Variants in RGS6 observed in about 807,000 individuals in gnomAD.
RGS6 encodes regulator of G protein signaling 6, also known as regulator of G-protein signaling 6.
RGS6 carries 30 observed loss-of-function variants against 78.5 expected under a neutral mutation model. That is an observed-to-expected ratio of 0.38 (90% confidence interval 0.29 to 0.52). The LOEUF (loss-of-function observed/expected upper bound fraction) is 0.52. Ranked by LOEUF, RGS6 falls within the 20% of genes least tolerant of loss-of-function variation. The pLI, the probability that RGS6 is intolerant of heterozygous loss-of-function variation, is 0.85. For missense variants in RGS6, 495 were observed against 609.7 expected, an observed-to-expected ratio of 0.81 and a Z score of 1.98; for synonymous variants, 206 against 206.0, an observed-to-expected ratio of 1.00 and a Z score of 0.00.
chr14:72,288,845 G>T (rs1252365248), intron 2 of RGS6, among the ~76,000 whole-genome samples: 1 of 152,156 alleles, frequency 6.6e-6, no homozygotes, highest in African/African-American at 2.4e-5. Context: ...AACATCTTAT[G>T]TAGATTTTTT....
chr14:72,489,721 A>AAGGAG (rs2096551331), intron 12 of RGS6, among the ~76,000 whole-genome samples: 1 of 151,328 alleles, frequency 6.6e-6, no homozygotes, highest in Non-Finnish European at 1.5e-5. Context: ...AAGGAAAGGA[A>AAGGAG]AGGAGAGGCA....
intron 2 of RGS6, among the ~76,000 whole-genome samples, chr14:72,086,390 C>G (rs528842028): frequency 6.6e-6 from 1 of 152,338 alleles, no homozygotes; most frequent in East Asian, 1.9e-4. Context: ...ATACCTGACT[C>G]TTGACCTCCA....
the RGS6 span, among the ~76,000 whole-genome samples, chr14:72,611,261 C>T: frequency 5.2e-3 from 795 of 152,330 alleles, 6 homozygotes; most frequent in African/African-American, 0.015. Context: ...GGCTGTGACA[C>T]GTGTGGAGAA....
chr14:72,472,408 T>C (rs547073538), intron 8 of RGS6, among the ~76,000 whole-genome samples: 2 of 152,322 alleles, frequency 1.3e-5, no homozygotes, highest in African/African-American at 4.8e-5. Context: ...TTTAAAGACA[T>C]TTATTTCTAC....
the RGS6 span, among the ~76,000 whole-genome samples, chr14:71,898,624 C>A: frequency 6.6e-6 from 1 of 152,242 alleles, no homozygotes; most frequent in East Asian, 1.9e-4. Context: ...AGGTTTTAAG[C>A]CCCGCATGCG....
chr14:72,324,824 A>G (rs1450939008), intron 2 of RGS6, among the ~76,000 whole-genome samples: 1 of 152,132 alleles, frequency 6.6e-6, no homozygotes, highest in Non-Finnish European at 1.5e-5. Context: ...ATACGTGTGC[A>G]TGTGTCTTTA....
intron 3 of RGS6, among the ~76,000 whole-genome samples, chr14:72,368,219 G>T (rs888107232): frequency 1.3e-5 from 2 of 152,138 alleles, no homozygotes; most frequent in African/African-American, 2.4e-5. Context: ...AACTGGGGAT[G>T]GGGGGTGCAA....
chr14:72,393,671 A>G (rs2090518100), intron 3 of RGS6, among the ~76,000 whole-genome samples: 2 of 152,300 alleles, frequency 1.3e-5, no homozygotes, highest in East Asian at 1.9e-4. Context: ...TGTTCCAAGA[A>G]TGGGATGACT....
chr14:71,877,960 A>G, the RGS6 span, among the ~76,000 whole-genome samples: 2 of 152,130 alleles, frequency 1.3e-5, no homozygotes, highest in Non-Finnish European at 2.9e-5. Flanking sequence ...TCCAGACGCT[A>G]TTTGCCTGGG....
chr14:72,142,312 TA>T (rs566188728), intron 2 of RGS6, among the ~76,000 whole-genome samples: 477 of 143,378 alleles, frequency 3.3e-3, no homozygotes, highest in Middle Eastern at 0.011. Context: ...ATAAAGTGAT[TA>T]AAAAAAAAAA....
intron 2 of RGS6, among the ~76,000 whole-genome samples, chr14:72,187,625 C>T (rs538715452): frequency 6.6e-6 from 1 of 152,234 alleles, no homozygotes; most frequent in Middle Eastern, 3.4e-3. Flanking sequence ...TTTAAACACC[C>T]ACTAATATTT....
intron 3 of RGS6, among the ~76,000 whole-genome samples, chr14:72,360,153 AAG>A (rs1363894953): frequency 6.6e-6 from 1 of 152,122 alleles, no homozygotes; most frequent in African/African-American, 2.4e-5. Context: ...AAGAATAGGT[AAG>A]AGAGGATTGA....
At chr14:72,312,984 T>G (rs188655509) in intron 2 of RGS6, among the ~76,000 whole-genome samples, 6 of 152,350 alleles carry the variant, frequency 3.9e-5, no homozygotes, top group Admixed American at 1.3e-4. Flanking sequence ...CTGTGCTTTC[T>G]AAGAGATTCT....
intron 1 of RGS6, among the ~76,000 whole-genome samples, chr14:71,937,618 A>C (rs186562120): frequency 3.3e-5 from 5 of 152,202 alleles, no homozygotes; most frequent in African/African-American, 1.2e-4. Context: ...AGTGAATTCC[A>C]TGAGCATGAA....
intron 2 of RGS6, among the ~76,000 whole-genome samples, chr14:72,154,298 A>G (rs2096738488): frequency 6.6e-6 from 1 of 152,210 alleles, no homozygotes; most frequent in Admixed American, 6.5e-5. Flanking sequence ...CACACGTTTT[A>G]CAATCAATTT....
chr14:72,574,191 G>A, the RGS6 span, among the ~76,000 whole-genome samples: 1 of 152,180 alleles, frequency 6.6e-6, no homozygotes, highest in Admixed American at 6.5e-5. Context: ...CAGACTCATG[G>A]CTGCTCTCAG....
At chr14:72,135,398 G>T (rs756435408) in intron 2 of RGS6, among the ~76,000 whole-genome samples, 32 of 152,136 alleles carry the variant, frequency 2.1e-4, no homozygotes, top group Non-Finnish European at 3.4e-4. Flanking sequence ...AAGGAACTCA[G>T]TTTCCTCATC....
At chr14:72,102,963 T>G (rs192370908) in intron 2 of RGS6, among the ~76,000 whole-genome samples, 2 of 152,324 alleles carry the variant, frequency 1.3e-5, no homozygotes, top group African/African-American at 4.8e-5. Context: ...AAAGCTAGAT[T>G]TACAAGATTG....
intron 17 of RGS6, chr14:72,540,352 G>T: frequency 6.9e-7 from 1 of 1,456,778 alleles, no homozygotes; most frequent in South Asian, 1.5e-5. Context: ...CTGGGCATTT[G>T]ATCATCTGTT....
Sources: allele counts gnomAD v4.1 joint callset (sites outside exome capture counted in the v4.1 genomes callset), GRCh38; gene constraint gnomAD v4.1.1; transcripts MANE v1.5; gene names NCBI Gene and HGNC (gene_info 2026-07-23, HGNC 2026-07-21).